SYCP2L: variants seen among roughly 807,000 people sequenced by gnomAD.
The protein encoded by SYCP2L is synaptonemal complex protein 2-like.
Under a neutral mutation model 125.8 loss-of-function variants are expected in SYCP2L, and 98 were observed. That is an observed-to-expected ratio of 0.78 (90% CI 0.66 to 0.92). The LOEUF (loss-of-function observed/expected upper bound fraction) is 0.92. SYCP2L is among the 40% of genes least tolerant of loss of function. The pLI, the probability that SYCP2L is intolerant of heterozygous loss-of-function variation, is 0.00. For synonymous variants in SYCP2L, 317 were observed against 325.4 expected (o/e 0.97, Z 0.28); for missense variants, 842 against 936.4 (o/e 0.90, Z 1.32).
At chr6:10,957,450 C>G (rs557166243) in intron 25 of SYCP2L, among the ~76,000 whole-genome samples, 1 of 152,134 alleles carries the variant, frequency 6.6e-6, no homozygotes, top group South Asian at 2.1e-4. Context: ...AACTGAACTA[C>G]CAGAAAGCAA....
intron 8 of SYCP2L, among the ~76,000 whole-genome samples, chr6:10,903,350 C>T (rs922286251): frequency 3.9e-5 from 6 of 152,140 alleles, no homozygotes; most frequent in African/African-American, 7.2e-5. Flanking sequence ...AGATCGAGAC[C>T]ATCCTGGCTA....
At chr6:10,900,385 A>T (rs1182141077) in intron 6 of SYCP2L, among the ~76,000 whole-genome samples, 1 of 149,544 alleles carries the variant, frequency 6.7e-6, no homozygotes, top group African/African-American at 2.5e-5. Context: ...ACAGAGTCTC[A>T]CACTGTTGGC....
In SYCP2L at chr6:10,965,471, C is replaced by T. The variant is rs551333353; in HGVS notation, c.*37+1628C>T. Among the ~76,000 whole-genome samples the T allele has an allele frequency of 2.6e-5, 4 of 152,312 alleles. No homozygotes were observed. The East Asian group carries it at 7.7e-4, about 29-fold the overall frequency. On this transcript the variant is annotated intron_variant, in intron 29 of 29. Transcript: ENST00000283141. ...ATTTAACATTTTAACTGGCAGATGT[C>T]TGTGCACATCCAAGTCTTGACAGGA...
chr6:10,892,915 A>G (rs1210333224), intron 2 of SYCP2L, among the ~76,000 whole-genome samples: 1 of 151,532 alleles, frequency 6.6e-6, no homozygotes, highest in Non-Finnish European at 1.5e-5. Context: ...TTATTAAAAT[A>G]GTATTGTATA....
At chr6:10,961,672 G>A (rs1213451999) in intron 28 of SYCP2L, 114 bp downstream of exon 28, 3 of 1,071,590 alleles carry the variant, frequency 2.8e-6, no homozygotes, top group Non-Finnish European at 2.8e-6. Context: ...TGAAATAGCT[G>A]CATCTTTTGA....
At chr6:10,911,987 C>T (rs189973563) in intron 12 of SYCP2L, among the ~76,000 whole-genome samples, 69 of 143,576 alleles carry the variant, frequency 4.8e-4, no homozygotes, top group Middle Eastern at 3.6e-3. Flanking sequence ...CTGCCAACTC[C>T]GCCTCCCGGG....
rs78989293 is a variant in SYCP2L at position 10,904,274 on chromosome 6, T to C, written c.641+1311T>C. On this transcript the variant is annotated intron_variant, in intron 8 of 29. Coordinates refer to ENST00000283141, the MANE Select transcript of SYCP2L (RefSeq NM_001040274.3). ...ATGAGATTTGGAGGTAAGGTTGTAA[T>C]GTGTGACCATACAAACAACAAAACC... Among the ~76,000 whole-genome samples the C allele has an allele frequency of 3.5e-3, 527 of 152,322 alleles. 2 individuals are homozygous for C. Among genetic ancestry groups the C allele is most frequent in the African/African-American group, 0.012 (503 of 41,558 alleles).
intron 21 of SYCP2L, among the ~76,000 whole-genome samples, chr6:10,940,704 G>C (rs1046785333): frequency 2.0e-5 from 3 of 152,096 alleles, no homozygotes; most frequent in Non-Finnish European, 4.4e-5. Context: ...GATGGTCCTC[G>C]AAGGATATAA....
In SYCP2L at chr6:10,910,206, T is replaced by G; in HGVS notation, c.872+6T>G. ...AGACTTGGTGACCAAAGAAGGTAAGTTGTGTCTCTGAGCATTATTGACTAG... is the reference window on the plus strand; with the variant it reads ...AGACTTGGTGACCAAAGAAGGTAAGGTGTGTCTCTGAGCATTATTGACTAG... On this transcript the variant is annotated splice_donor_region_variant and intron_variant, in intron 11 of 29. Coordinates refer to ENST00000283141, the MANE Select transcript of SYCP2L (RefSeq NM_001040274.3). 6.2e-7 allele frequency: 1 copy of G among 1,613,284 alleles called. No individual in the cohort carries two copies. The highest frequency in any genetic ancestry group is 1.1e-5 in the South Asian group (1 of 91,050).
intron 1 of SYCP2L, among the ~76,000 whole-genome samples, chr6:10,890,013 C>T (rs1421065038): frequency 6.6e-6 from 1 of 152,208 alleles, no homozygotes; most frequent in African/African-American, 2.4e-5. Flanking sequence ...GTCCTTCAGG[C>T]TCATGCATGT....
At chr6:10,898,155 G>A in intron 5 of SYCP2L, 40 bp downstream of exon 5, 1 of 1,361,882 alleles carries the variant, frequency 7.3e-7, no homozygotes, top group South Asian at 1.2e-5. Flanking sequence ...AGATGCCATT[G>A]GTAATTGGCA....
intron 4 of SYCP2L, among the ~76,000 whole-genome samples, chr6:10,895,362 G>A (rs191799881): frequency 3.6e-4 from 55 of 152,296 alleles, no homozygotes; most frequent in Middle Eastern, 3.4e-3. Context: ...TATTCCTGAC[G>A]CAAGTCCTGC....
chr6:10,912,908 G>A lies in SYCP2L; in HGVS notation c.1053G>A (p.Val351=). ...CAGTGACACTTCCGAAGGAAGCGGT[G>A]ATGAATTTCAGCATAACAGGTAATA... is the stretch of plus-strand genomic sequence containing the variant. ...WDSVTLPKEA[V]MNFSITETEK... The change falls in exon 14 of 30, where the codon GTG becomes GTA. Residue 351 remains valine, a synonymous_variant. Transcript: ENST00000283141. The surrounding 1 kb of genome is among the most constrained non-coding windows in gnomAD (Gnocchi z 4.1). 6.2e-7 allele frequency: 1 copy of A among 1,613,760 alleles called. No homozygotes were observed. Among genetic ancestry groups the A allele is most frequent in the Non-Finnish European group, 8.5e-7 (1 of 1,179,986 alleles).
chr6:10,957,799 A>T (rs556827101), intron 25 of SYCP2L, among the ~76,000 whole-genome samples: 9 of 152,204 alleles, frequency 5.9e-5, no homozygotes, highest in Non-Finnish European at 8.8e-5. Flanking sequence ...CCTAGGCAAC[A>T]GAGCAAGACC....
rs781277708 is a variant in SYCP2L at position 10,958,759 on chromosome 6, T to C, written c.2164-25T>C. ...TATGTAATTATATTAAATGTGATCATCTTGTTATTGTTGTTATGATTTAGC... is the reference window on the plus strand; with the variant it reads ...TATGTAATTATATTAAATGTGATCACCTTGTTATTGTTGTTATGATTTAGC... On this transcript the variant is annotated intron_variant, in intron 25 of 29. Coordinates refer to ENST00000283141, the MANE Select transcript of SYCP2L (RefSeq NM_001040274.3). The C allele has an allele frequency of 3.8e-6, 6 of 1,585,964 alleles. No homozygotes were observed. The South Asian group carries it at 5.6e-5, about 15-fold the overall frequency.
At chr6:10,901,632 C>G (rs1049956694) in intron 6 of SYCP2L, among the ~76,000 whole-genome samples, 1 of 152,196 alleles carries the variant, frequency 6.6e-6, no homozygotes. Flanking sequence ...CCTCTAGATG[C>G]CAACAGCATC....
chr6:10,961,346 A>C lies in SYCP2L; in HGVS notation c.2297A>C (p.Glu766Ala), dbSNP rs1206156481. 1 of 1,614,162 alleles carries C rather than the reference A, an allele frequency of 6.2e-7. No individual in the cohort carries two copies. ...CGCTTTCAAAATTTGGTTCTTCAAG[A>C]GTTGAGCAGTCTTAAGCAGGATATT... ...LERFQNLVLQ[E>A]LSSLKQDIQA... The change falls in exon 27 of 30, where the codon GAG becomes GCG. Residue 766 changes from glutamate (E) to alanine (A), a missense_variant. By Grantham distance (107) the Glu-to-Ala change is moderately radical (BLOSUM62 -1). Coordinates refer to ENST00000283141, the MANE Select transcript of SYCP2L (RefSeq NM_001040274.3).
chr6:10,906,658 C>T (rs138100085), intron 9 of SYCP2L, among the ~76,000 whole-genome samples: 3,630 of 150,820 alleles, frequency 0.024, 150 homozygotes, highest in African/African-American at 0.082. Flanking sequence ...AGTGCAATGG[C>T]GCGATCTCGG....
intron 21 of SYCP2L, among the ~76,000 whole-genome samples, chr6:10,936,914 G>T (rs76972768): frequency 0.018 from 2,816 of 152,228 alleles, 90 homozygotes; most frequent in African/African-American, 0.065. Flanking sequence ...ATATATATAT[G>T]CACCCAACAT....
Sources: allele counts gnomAD v4.1 joint callset (sites outside exome capture counted in the v4.1 genomes callset), GRCh38; gene constraint gnomAD v4.1.1; non-coding constraint Gnocchi (gnomAD v3.1); transcripts MANE v1.5; gene names NCBI Gene and HGNC (gene_info 2026-07-23, HGNC 2026-07-21).